Variants in FRAS1 observed in about 807,000 individuals in gnomAD.
FRAS1 encodes the protein Fraser extracellular matrix complex subunit 1.
Under a neutral mutation model 435.2 loss-of-function variants are expected in FRAS1, and 290 were observed. The observed-to-expected ratio is 0.67, with a 90% CI of 0.61 to 0.73. The LOEUF is 0.73. Ranked by LOEUF, FRAS1 falls within the 30% of genes least tolerant of loss-of-function variation. FRAS1 has a pLI of 0.00. For synonymous variants in FRAS1, 1,800 were observed against 1,851.0 expected (o/e 0.97, Z 0.71); for missense variants, 4,860 against 5,001.5 (o/e 0.97, Z 0.85).
chr4:78,306,286 G>A (rs1728710893), intron 14 of FRAS1, among the ~76,000 whole-genome samples: 1 of 150,698 alleles, frequency 6.6e-6, no homozygotes, highest in Admixed American at 6.6e-5. Flanking sequence ...CTCTCTGGCT[G>A]CCCTTAACAT....
chr4:78,078,005 T>C (rs1012226653), intron 2 of FRAS1, among the ~76,000 whole-genome samples: 1 of 152,058 alleles, frequency 6.6e-6, no homozygotes, highest in Non-Finnish European at 1.5e-5. Flanking sequence ...AAATATTAGA[T>C]GAGTTTATTG....
chr4:78,407,513 T>C, intron 30 of FRAS1, 150 bp from the exon 31 acceptor site: 1 of 577,632 alleles, frequency 1.7e-6, no homozygotes, highest in Non-Finnish European at 3.0e-6. Context: ...CATTGAATTA[T>C]GTGTTAACAT....
At chr4:78,370,619 C>A (rs1279264149) in intron 23 of FRAS1, among the ~76,000 whole-genome samples, 1 of 152,222 alleles carries the variant, frequency 6.6e-6, no homozygotes, top group Non-Finnish European at 1.5e-5. Flanking sequence ...GCATTTACAA[C>A]TTGAGATTGC....
intron 9 of FRAS1, among the ~76,000 whole-genome samples, chr4:78,273,469 A>G (rs1211278614): frequency 6.6e-6 from 1 of 152,112 alleles, no homozygotes; most frequent in Non-Finnish European, 1.5e-5. Context: ...ATAGCTCTTA[A>G]TATTCTCAGA....
chr4:78,372,897 C>T (rs763690537), intron 24 of FRAS1, 39 bp downstream of exon 24: 10 of 1,597,216 alleles, frequency 6.3e-6, no homozygotes, highest in Non-Finnish European at 8.5e-6. Flanking sequence ...TCAGCCATAC[C>T]TTGGCCACCT....
intron 2 of FRAS1, among the ~76,000 whole-genome samples, chr4:78,143,457 C>T (rs942011354): frequency 1.3e-5 from 2 of 151,982 alleles, no homozygotes; most frequent in African/African-American, 4.8e-5. Flanking sequence ...AAAATTTGGA[C>T]AAATTAATCA....
Position 78,446,888 on chromosome 4 carries a change from A to G in FRAS1, c.6010+8A>G, listed in dbSNP as rs7670555. ...CAAAAAAGCCTGACCACGGTAGGGC[A>G]CGAACTGCTATGAAAAGCTTCTTAA... On this transcript the variant is annotated splice_region_variant and intron_variant, in intron 43 of 73. Coordinates refer to ENST00000512123, the MANE Select transcript of FRAS1 (RefSeq NM_025074.7). 8,788 of 1,599,524 alleles carry G rather than the reference A, an allele frequency of 5.5e-3. 209 individuals carry two copies. The African/African-American group carries it at 0.074, about 13-fold the overall frequency.
intron 20 of FRAS1, among the ~76,000 whole-genome samples, chr4:78,345,706 T>A (rs1318916337): frequency 6.6e-6 from 1 of 152,142 alleles, no homozygotes; most frequent in African/African-American, 2.4e-5. Flanking sequence ...GAACTTTCAA[T>A]GATTGTCTTT....
chr4:78,093,224 A>G (rs1229491304), intron 2 of FRAS1, among the ~76,000 whole-genome samples: 1 of 152,258 alleles, frequency 6.6e-6, no homozygotes, highest in East Asian at 1.9e-4. Flanking sequence ...AAGATATGTT[A>G]AAGTATTCCA....
intron 18 of FRAS1, among the ~76,000 whole-genome samples, chr4:78,325,810 G>C (rs1466566949): frequency 6.6e-6 from 1 of 152,244 alleles, no homozygotes. Context: ...AGGGAAGGTA[G>C]TGAGGAAAGA....
chr4:78,457,881 C>T (rs1184622924), intron 47 of FRAS1, among the ~76,000 whole-genome samples: 1 of 152,202 alleles, frequency 6.6e-6, no homozygotes, highest in Non-Finnish European at 1.5e-5. Flanking sequence ...CCCTTCCTTA[C>T]CCTAATTAGC....
intron 9 of FRAS1, among the ~76,000 whole-genome samples, chr4:78,273,870 A>C (rs1726850906): frequency 6.6e-6 from 1 of 152,094 alleles, no homozygotes; most frequent in Non-Finnish European, 1.5e-5. Flanking sequence ...TATTGAATGG[A>C]ATAGTTTCAG....
intron 2 of FRAS1, chr4:78,181,431 G>A: frequency 3.7e-6 from 6 of 1,612,016 alleles, no homozygotes; most frequent in Non-Finnish European, 5.1e-6. Context: ...CCACTGTAAT[G>A]TGAAAAAGAA....
chr4:78,446,124 G>T (rs1253439235), intron 42 of FRAS1: 25 of 1,034,558 alleles, frequency 2.4e-5, no homozygotes, highest in Non-Finnish European at 2.8e-5. Flanking sequence ...CCTTGATGCT[G>T]TATTTATTCT....
At chr4:78,529,052 A>G (rs1721631782) in intron 70 of FRAS1, among the ~76,000 whole-genome samples, 1 of 152,136 alleles carries the variant, frequency 6.6e-6, no homozygotes, top group Non-Finnish European at 1.5e-5. Context: ...ATGGTGCATA[A>G]TGGGCCTATG....
rs76558716 is a variant in FRAS1 at position 78,484,740 on chromosome 4, G to A, written c.8752+2205G>A. Among the ~76,000 whole-genome samples, 638 of 152,202 alleles carry A rather than the reference G, an allele frequency of 4.2e-3. 6 individuals are homozygous for A. Among genetic ancestry groups the A allele is most frequent in the African/African-American group, 0.014 (602 of 41,536 alleles). ...CCTTATCTCACTTGCTCATAACCCC[G>A]TGCTCTTTCTTCTGTTTCTATTTAG... On this transcript the variant is annotated intron_variant, in intron 58 of 73. Coordinates refer to ENST00000512123, the MANE Select transcript of FRAS1 (RefSeq NM_025074.7).
At chr4:78,347,893 C>T (rs1052628403) in intron 20 of FRAS1, among the ~76,000 whole-genome samples, 1 of 151,370 alleles carries the variant, frequency 6.6e-6, no homozygotes. Flanking sequence ...ACTCAGCTGA[C>T]TTGCCATAAA....
intron 61 of FRAS1, among the ~76,000 whole-genome samples, chr4:78,505,757 A>G (rs578198995): frequency 2.0e-5 from 3 of 152,108 alleles, no homozygotes; most frequent in Admixed American, 6.5e-5. Context: ...TTCTCCATCC[A>G]TCTTTGTTCC....
At chr4:78,375,929 A>T in intron 26 of FRAS1, 50 bp downstream of exon 26, 1 of 1,595,892 alleles carries the variant, frequency 6.3e-7, no homozygotes, top group Non-Finnish European at 8.6e-7. Context: ...TAATTTCTCT[A>T]TGTGAAGGCT....
Sources: allele counts gnomAD v4.1 joint callset (sites outside exome capture counted in the v4.1 genomes callset), GRCh38; gene constraint gnomAD v4.1.1; transcripts MANE v1.5; gene names NCBI Gene and HGNC (gene_info 2026-07-23, HGNC 2026-07-21).